The following TNRC18 variants were observed in gnomAD, a reference collection of about 807,000 sequenced individuals.
TNRC18 encodes trinucleotide repeat-containing gene 18 protein.
TNRC18 carries 69 observed loss-of-function variants against 226.7 expected under a neutral mutation model. The observed-to-expected ratio is 0.30, with a 90% CI of 0.25 to 0.37. The LOEUF (loss-of-function observed/expected upper bound fraction) is 0.37. Among genes scored for constraint, TNRC18 ranks in the 10% least tolerant of loss-of-function variants. TNRC18 has a pLI of 1.00. For missense variants in TNRC18, 4,754 were observed against 4,256.6 expected, an observed-to-expected ratio of 1.12 and a Z score of -3.25; for synonymous variants, 2,449 against 1,927.6, an observed-to-expected ratio of 1.27 and a Z score of -7.09.
intron 11 of TNRC18, among the ~76,000 whole-genome samples, chr7:5,366,807 C>T (rs1793671065): frequency 6.6e-6 from 1 of 152,146 alleles, no homozygotes; most frequent in Admixed American, 6.5e-5. Flanking sequence ...AAGAGGGGAC[C>T]AAGGTACAAC....
chr7:5,356,874 G>C (rs1334316684), intron 16 of TNRC18, 42 bp downstream of exon 16: 1 of 1,485,172 alleles, frequency 6.7e-7, no homozygotes, highest in Non-Finnish European at 9.0e-7. Context: ...GAGAAAAGGA[G>C]AGAAGCAGCG....
intron 29 of TNRC18, 120 bp downstream of exon 29, chr7:5,308,755 C>T: frequency 3.6e-6 from 4 of 1,116,524 alleles, no homozygotes; most frequent in South Asian, 3.0e-5. Context: ...GACAGGAGGT[C>T]AGAGGCTGAG....
chr7:5,323,863 C>T (rs12531425), intron 21 of TNRC18, among the ~76,000 whole-genome samples: 4 of 152,064 alleles, frequency 2.6e-5, no homozygotes, highest in African/African-American at 9.7e-5. Context: ...CCACCACGCT[C>T]GGCCCAGACA....
At chr7:5,371,423 C>G (rs1363226072) in intron 10 of TNRC18, 59 bp from the exon 11 acceptor site, 2 of 1,445,128 alleles carry the variant, frequency 1.4e-6, no homozygotes, top group Non-Finnish European at 9.1e-7. Context: ...CATGTCCCCA[C>G]TGACACCCGC....
rs564589122 is a variant in TNRC18, at chr7:5,394,138, G to A, written c.343+302C>T. Among the ~76,000 whole-genome samples, 5 of 152,260 alleles carry A rather than the reference G, an allele frequency of 3.3e-5. No individual in the cohort carries two copies. Among genetic ancestry groups the A allele is most frequent in the East Asian group, 1.9e-4 (1 of 5,174 alleles). On this transcript the variant is annotated intron_variant, in intron 3 of 29. Transcript: ENST00000430969. This position sits in a 1 kb window ranked among gnomAD's most constrained non-coding sequence, Gnocchi z 4.5. ...TTCATGAATGATGAGATAATCTGTC[G>A]TCACAAGCAAGTGATGGAAGTGGGT...
chr7:5,343,043 C>T (rs1055132715), intron 18 of TNRC18, among the ~76,000 whole-genome samples: 5 of 152,148 alleles, frequency 3.3e-5, no homozygotes, highest in African/African-American at 1.2e-4. Context: ...AAGATATGTA[C>T]AATGTTTTCT....
rs895462184 is a variant in TNRC18 at position 5,421,371 on chromosome 7, G to T, written c.-125C>A. ...CGGCGGGGGCTCCGCGGCGTGCATG[G>T]CGGCGGCCAGCGGGGCTTGCGCTCG... On this transcript the variant is annotated 5_prime_UTR_variant, in exon 2 of 30. Coordinates refer to ENST00000430969, the MANE Select transcript of TNRC18 (RefSeq NM_001080495.3). 5 of 922,906 alleles carry T rather than the reference G, an allele frequency of 5.4e-6. No homozygotes were observed. The South Asian group carries it at 1.6e-4, about 29-fold the overall frequency. 57.2% of individuals were successfully genotyped at this position (922,906 alleles called of 1,614,324 possible). A position where few individuals can be genotyped will look rare whatever the true frequency, so the allele number is the denominator to read the frequency against.
intron 5 of TNRC18, among the ~76,000 whole-genome samples, chr7:5,386,202 C>A (rs551473003): frequency 6.6e-6 from 1 of 151,780 alleles, no homozygotes; most frequent in Non-Finnish European, 1.5e-5. Flanking sequence ...GCAGGAGAAT[C>A]GCTTGAACCC....
chr7:5,381,071 C>T (rs1779364643), intron 5 of TNRC18, among the ~76,000 whole-genome samples: 1 of 152,136 alleles, frequency 6.6e-6, no homozygotes, highest in African/African-American at 2.4e-5. Context: ...AGGGGCTTCC[C>T]ATCCCAAGCG....
intron 5 of TNRC18, among the ~76,000 whole-genome samples, chr7:5,386,385 T>C (rs544785239): frequency 4.6e-5 from 7 of 152,144 alleles, no homozygotes; most frequent in African/African-American, 1.7e-4. Context: ...GAGACCAGCC[T>C]GGCCAACATG....
intron 3 of TNRC18, 131 bp from the exon 4 acceptor site, chr7:5,390,759 G>A (rs1389441310): frequency 1.1e-5 from 11 of 1,038,138 alleles, no homozygotes; most frequent in Non-Finnish European, 1.4e-5. Flanking sequence ...TTTAACAGCA[G>A]CTCCTCAGGG....
At position 5,346,119 on chromosome 7, in the gene TNRC18, G is replaced by A. The variant is rs573222602; in HGVS notation, c.5471-309C>T. ...GTGCTGTGGCAGGGGCCAGACACAC[G>A]GACAAGGACTGGAGACAGCGTTCTC... On this transcript the variant is annotated intron_variant, in intron 17 of 29. Coordinates refer to ENST00000430969, the MANE Select transcript of TNRC18 (RefSeq NM_001080495.3). 1.1e-4 allele frequency among the ~76,000 whole-genome samples: 16 copies of A among 152,354 alleles called. No homozygotes were observed. The South Asian group carries it at 2.3e-3, about 22-fold the overall frequency.
At position 5,388,389 on chromosome 7, in the gene TNRC18, G is replaced by T; in HGVS notation, c.1435C>A (p.Pro479Thr). 1 of 1,518,778 alleles carries T rather than the reference G, an allele frequency of 6.6e-7. No homozygotes were observed. The highest frequency in any genetic ancestry group is 8.8e-7 in the Non-Finnish European group (1 of 1,140,304). 94.1% of individuals were successfully genotyped at this position (1,518,778 alleles called of 1,614,324 possible). A position where few individuals can be genotyped will look rare whatever the true frequency, so the allele number is the denominator to read the frequency against. ...GCTGCAGGACCGGCTGGGCCGCGGGGCGCACGCTCGCAGGGCCTCGGGTCC... is the reference window on the plus strand; with the variant it reads ...GCTGCAGGACCGGCTGGGCCGCGGGTCGCACGCTCGCAGGGCCTCGGGTCC... ...EADPRPCERA[P>T]RGPAGPAAQQ... is the part of the protein sequence containing the mutation. Residue 479 changes from proline to threonine, a missense_variant, in exon 5 of 30, where the codon CCC becomes ACC. Transcript: ENST00000430969.
At chr7:5,411,255 A>T (rs1169438856) in intron 2 of TNRC18, among the ~76,000 whole-genome samples, 1 of 149,218 alleles carries the variant, frequency 6.7e-6, no homozygotes, top group Non-Finnish European at 1.5e-5. Flanking sequence ...AGGAAGGGGG[A>T]GGTGGGGAAA....
intron 19 of TNRC18, among the ~76,000 whole-genome samples, chr7:5,331,073 C>T (rs1290257681): frequency 6.6e-6 from 1 of 152,186 alleles, no homozygotes; most frequent in Non-Finnish European, 1.5e-5. Flanking sequence ...AGCACAAATC[C>T]AAGGTGCCTA....
At position 5,307,023 on chromosome 7, in the gene TNRC18, G is replaced by C. The variant is rs1786586342; in HGVS notation, c.*1083C>G. 1 of 149,002 alleles carries C rather than the reference G, an allele frequency of 6.7e-6. No individual in the cohort carries two copies. Among genetic ancestry groups the C allele is most frequent in the South Asian group, 2.1e-4 (1 of 4,772 alleles). 9.2% of individuals were successfully genotyped at this position (149,002 alleles called of 1,614,324 possible). Reference sequence around the variant, plus strand: ...TCTGGGGCCCAAGCAGGGACCCTGGGCTTGGGCCGGCTCCTGCCTCTCCCT... The same window carrying C: ...TCTGGGGCCCAAGCAGGGACCCTGGCCTTGGGCCGGCTCCTGCCTCTCCCT... On this transcript the variant is annotated 3_prime_UTR_variant, in exon 30 of 30. Transcript: ENST00000430969.
Position 5,388,713 on chromosome 7 carries a change from C to G in TNRC18, c.1111G>C (p.Ala371Pro). ...REQGREHRVVAPTFVPSVEAF... is the reference protein window; with the variant it reads ...REQGREHRVVPPTFVPSVEAF... Reference sequence around the variant, plus strand: ...TCCACGGAAGGCACGAAGGTGGGCGCCACCACGCGGTGCTCACGGCCCTGC... The same window carrying G: ...TCCACGGAAGGCACGAAGGTGGGCGGCACCACGCGGTGCTCACGGCCCTGC... Residue 371 changes from alanine to proline, a missense_variant, in exon 5 of 30, where the codon GCG becomes CCG. Ala to Pro is a conservative substitution (Grantham distance 27). Coordinates refer to ENST00000430969, the MANE Select transcript of TNRC18 (RefSeq NM_001080495.3). 7.9e-7 allele frequency: 1 copy of G among 1,264,096 alleles called. No homozygotes were observed. 78.3% of individuals were successfully genotyped at this position (1,264,096 alleles called of 1,614,324 possible). A position where few individuals can be genotyped will look rare whatever the true frequency, so the allele number is the denominator to read the frequency against.
Position 5,370,986 on chromosome 7 carries a change from G to A in TNRC18, c.3608C>T (p.Ala1203Val), listed in dbSNP as rs372962869. 1.9e-6 allele frequency: 3 copies of A among 1,606,268 alleles called. No individual in the cohort carries two copies. The highest frequency in any genetic ancestry group is 1.3e-5 in the African/African-American group (1 of 74,928). Residue 1203 changes from alanine to valine, a missense_variant, in exon 11 of 30, where the codon GCC (alanine) becomes GTC (valine). Coordinates refer to ENST00000430969, the MANE Select transcript of TNRC18 (RefSeq NM_001080495.3). The stretch of plus-strand genomic sequence containing the variant: ...CTGCCCGGTGGCACTCAGCGCCTGG[G>A]CCTCCAACAGGCCACCTCCACAACC... ...AGGCGGGLLE[A>V]QALSATGQSC...
intron 18 of TNRC18, among the ~76,000 whole-genome samples, chr7:5,344,380 A>G (rs902845864): frequency 1.4e-4 from 22 of 152,150 alleles, no homozygotes; most frequent in African/African-American, 5.3e-4. Flanking sequence ...AACAATACCT[A>G]AGAATAGGTA....
Sources: gnomAD v4.1 joint callset for allele counts (sites outside exome capture counted in the v4.1 genomes callset) on GRCh38, gnomAD v4.1.1 for gene constraint, Gnocchi (gnomAD v3.1) non-coding constraint, MANE v1.5 for transcripts, NCBI Gene and HGNC (gene_info 2026-07-23, HGNC 2026-07-21) for gene names.